The following EDARADD variants were observed in gnomAD, a reference collection of about 807,000 sequenced individuals.
EDARADD encodes EDAR associated via death domain.
EDARADD carries 20 observed loss-of-function variants against 25.6 expected under a neutral mutation model. The ratio of observed to expected loss-of-function variants is 0.78; its 90% CI spans 0.55 to 1.14. The LOEUF is 1.14. EDARADD is among the 50% of genes most tolerant of loss of function. The pLI is 0.00. For missense variants in EDARADD, 225 were observed against 270.1 expected (o/e 0.83, Z 1.17); for synonymous variants, 86 against 94.4 (o/e 0.91, Z 0.52).
chr1:236,448,800 A>G (rs1477699887), intron 4 of EDARADD, among the ~76,000 whole-genome samples: 1 of 152,214 alleles, frequency 6.6e-6, no homozygotes, highest in Non-Finnish European at 1.5e-5. Flanking sequence ...ATAGGACATT[A>G]GAAGTGGAAG....
intron 3 of EDARADD, among the ~76,000 whole-genome samples, chr1:236,424,742 A>G (rs1034751382): frequency 6.6e-6 from 1 of 152,184 alleles, no homozygotes; most frequent in Non-Finnish European, 1.5e-5. Context: ...TCTGAGGATC[A>G]GGATCTTTGC....
chr1:236,433,557 C>T (rs911600830), intron 4 of EDARADD, among the ~76,000 whole-genome samples: 1 of 151,594 alleles, frequency 6.6e-6, no homozygotes, highest in African/African-American at 2.4e-5. Context: ...GTGATCCACC[C>T]ACCTCAGTCT....
In EDARADD at chr1:236,482,415, C is replaced by T; in HGVS notation, c.414C>T (p.Asn138=). The T allele has an allele frequency of 6.2e-7, 1 of 1,614,138 alleles. No homozygotes were observed. Among genetic ancestry groups the T allele is most frequent in the Non-Finnish European group, 8.5e-7 (1 of 1,180,028 alleles). The change falls in exon 6 of 6, where the codon AAC becomes AAT. Residue 138 remains asparagine, a synonymous_variant. Coordinates refer to ENST00000334232, the MANE Select transcript of EDARADD (RefSeq NM_145861.4). ...KLDPCHPTVK[N]WRNFASKWGM... ...ATCCGTGTCACCCAACGGTGAAAAACTGGAGGAATTTTGCAAGCAAATGGG... is the reference window on the plus strand; with the variant it reads ...ATCCGTGTCACCCAACGGTGAAAAATTGGAGGAATTTTGCAAGCAAATGGG...
intron 4 of EDARADD, among the ~76,000 whole-genome samples, chr1:236,460,187 C>CTT (rs535170345): frequency 0.13 from 17,463 of 138,444 alleles, 1,197 homozygotes; most frequent in Non-Finnish European, 0.14. Flanking sequence ...TTTTTCTTTT[C>CTT]TTTTTTTTTT....
chr1:236,470,661 A>G (rs910591272), intron 5 of EDARADD, among the ~76,000 whole-genome samples: 3 of 152,102 alleles, frequency 2.0e-5, no homozygotes, highest in Non-Finnish European at 2.9e-5. Flanking sequence ...GCTGGAGTGC[A>G]ATGGCGAGAT....
intron 3 of EDARADD, among the ~76,000 whole-genome samples, chr1:236,354,774 T>C (rs584266): frequency 0.5 from 75,539 of 151,778 alleles, 19,454 homozygotes; most frequent in East Asian, 0.84. Flanking sequence ...CACACACAAA[T>C]TATCTCTGTG....
At chr1:236,405,809 TTTCCTTCCTTCCTTTCC>T (rs1667710158) in intron 1 of EDARADD, among the ~76,000 whole-genome samples, 3 of 129,444 alleles carry the variant, frequency 2.3e-5, no homozygotes, top group South Asian at 2.6e-4. Flanking sequence ...TCTTTCTTTC[TTTCCTTCCTTCCTTTCC>T]TTCCTTCCTT....
At chr1:236,439,416 A>T (rs1053433653) in intron 4 of EDARADD, among the ~76,000 whole-genome samples, 1 of 152,198 alleles carries the variant, frequency 6.6e-6, no homozygotes, top group African/African-American at 2.4e-5. Flanking sequence ...GGTTTCTAAG[A>T]TGCCGCCAAA....
chr1:236,370,056 T>G (rs529215536), intron 3 of EDARADD, among the ~76,000 whole-genome samples: 4 of 152,228 alleles, frequency 2.6e-5, no homozygotes, highest in African/African-American at 9.6e-5. Context: ...ATTAACTATT[T>G]CTTTCTAAGA....
chr1:236,414,359 A>T lies in EDARADD; in HGVS notation c.160+60A>T, dbSNP rs908755364. ...ATTATTTTAATATTGTGAACAAAGC[A>T]CTAGTCGACCTAATTTTTCATTATT... On this transcript the variant is annotated intron_variant, in intron 3 of 5. Transcript: ENST00000334232. 4 of 1,356,616 alleles carry T rather than the reference A, an allele frequency of 2.9e-6. No individual in the cohort carries two copies. In the East Asian group the frequency reaches 6.9e-5, roughly 23 times the overall value. The allele number at this position is 1,356,616 out of a possible 1,614,324, so 84.0% of individuals were successfully genotyped here.
intron 4 of EDARADD, among the ~76,000 whole-genome samples, chr1:236,451,290 G>C (rs597897): frequency 0.87 from 132,347 of 151,934 alleles, 59,102 homozygotes; most frequent in Non-Finnish European, 0.96. Context: ...CTTTCTCCTC[G>C]GTAAAATGGA....
At chr1:236,460,468 G>A (rs988978356) in intron 4 of EDARADD, among the ~76,000 whole-genome samples, 1 of 152,086 alleles carries the variant, frequency 6.6e-6, no homozygotes, top group Non-Finnish European at 1.5e-5. Context: ...TTACAGGAAT[G>A]AGCCACCATT....
At chr1:236,442,982 TA>T (rs1658441717) in intron 4 of EDARADD, among the ~76,000 whole-genome samples, 1 of 152,192 alleles carries the variant, frequency 6.6e-6, no homozygotes, top group South Asian at 2.1e-4. Flanking sequence ...ATGAATGGAT[TA>T]ATCTGTTCAT....
intron 2 of EDARADD, among the ~76,000 whole-genome samples, chr1:236,409,779 G>A (rs969338670): frequency 2.6e-5 from 4 of 151,506 alleles, no homozygotes; most frequent in African/African-American, 9.7e-5. Flanking sequence ...GGCCAGGCTG[G>A]TCTTGAACTC....
chr1:236,364,413 C>T (rs775647913), intron 3 of EDARADD, among the ~76,000 whole-genome samples: 2 of 152,108 alleles, frequency 1.3e-5, no homozygotes, highest in African/African-American at 2.4e-5. Flanking sequence ...TTTTAAATAG[C>T]TTCTCAATTT....
rs778515353 is a variant in EDARADD, at chr1:236,427,355, CTTTG to C, written c.161-33_161-30del. 1.8e-3 allele frequency: 2,683 copies of C among 1,453,690 alleles called. 10 individuals carry two copies. The highest frequency in any genetic ancestry group is 8.7e-3 in the South Asian group (723 of 83,386). The allele number at this position is 1,453,690 out of a possible 1,614,324, so 90.0% of individuals were successfully genotyped here. Reference sequence around the variant, plus strand: ...GGAGTGTGTGCTTTTTAAAATCACACTTTGTTTCTTTCTTTCTTTCTTTTTTTTT... The same window carrying C: ...GGAGTGTGTGCTTTTTAAAATCACACTTTCTTTCTTTCTTTCTTTTTTTTT... On this transcript the variant is annotated intron_variant, in intron 3 of 5. Coordinates refer to ENST00000334232, the MANE Select transcript of EDARADD (RefSeq NM_145861.4).
At chr1:236,387,381 TC>T (rs1311824117) in intron 3 of EDARADD, among the ~76,000 whole-genome samples, 1 of 31,626 alleles carries the variant, frequency 3.2e-5, no homozygotes, top group African/African-American at 9.8e-5. Flanking sequence ...GTGGGGGGGG[TC>T]AGCCCCCCTG....
intron 4 of EDARADD, among the ~76,000 whole-genome samples, chr1:236,463,759 C>A (rs1194297943): frequency 6.6e-6 from 1 of 152,238 alleles, no homozygotes; most frequent in African/African-American, 2.4e-5. Flanking sequence ...TAGGCCCTGA[C>A]ATGGAGGCTG....
At chr1:236,456,681 A>G (rs1558130888) in intron 4 of EDARADD, among the ~76,000 whole-genome samples, 1 of 151,078 alleles carries the variant, frequency 6.6e-6, no homozygotes, top group Non-Finnish European at 1.5e-5. Context: ...CGCGACTCTG[A>G]AGTTCCCTCT....
Sources: allele counts gnomAD v4.1 joint callset (sites outside exome capture counted in the v4.1 genomes callset), GRCh38; gene constraint gnomAD v4.1.1; transcripts MANE v1.5; gene names NCBI Gene and HGNC (gene_info 2026-07-23, HGNC 2026-07-21).